KLHL4: variants seen among roughly 807,000 people sequenced by gnomAD.
KLHL4 encodes the protein kelch-like protein 4.
A neutral mutation model predicts 45.8 loss-of-function variants in KLHL4; 17 were observed. The observed-to-expected ratio is 0.37, with a 90% CI of 0.25 to 0.56. The LOEUF (loss-of-function observed/expected upper bound fraction) is 0.56. Ranked by LOEUF, KLHL4 falls within the 20% of genes least tolerant of loss-of-function variation. KLHL4 has a pLI of 0.79. For synonymous variants in KLHL4, 224 were observed against 189.9 expected (o/e 1.18, Z -1.47); for missense variants, 544 against 544.9 (o/e 1.00, Z 0.02).
At chrX:87,620,873 GTGT>G (rs1261690721) in intron 4 of KLHL4, among the ~76,000 whole-genome samples, 1 of 112,476 alleles carries the variant, frequency 8.9e-6, no homozygotes, top group Non-Finnish European at 1.9e-5. Context: ...AAAGTGTGAA[GTGT>G]TGTACAAGTG....
chrX:87,581,799 T>C (rs778815393), intron 1 of KLHL4, among the ~76,000 whole-genome samples: 2 of 112,023 alleles, frequency 1.8e-5, no homozygotes, highest in East Asian at 2.8e-4. Context: ...AGAGTGCCCC[T>C]TTTCCTCCAA....
rs781520376 is a variant in KLHL4, at chrX:87,635,272, T to C, written c.1713-291T>C. 4.5e-5 allele frequency among the ~76,000 whole-genome samples: 5 copies of C among 111,889 alleles called. No individual in the cohort carries two copies. In the South Asian group the frequency reaches 1.9e-3, roughly 41 times the overall value. On this transcript the variant is annotated intron_variant, in intron 8 of 10. Transcript: ENST00000373119. Reference sequence around the variant, plus strand: ...ATCTTTCCCTCTTTTTTTCTGTGCCTCATATCCCATGGAATCTTTTATTCA... The same window carrying C: ...ATCTTTCCCTCTTTTTTTCTGTGCCCCATATCCCATGGAATCTTTTATTCA...
At chrX:87,662,678 C>T (rs1465849199) in intron 9 of KLHL4, among the ~76,000 whole-genome samples, 1 of 111,052 alleles carries the variant, frequency 9.0e-6, no homozygotes, top group African/African-American at 3.3e-5. Context: ...ACCTATAATC[C>T]CAGCACTTTG....
chrX:87,592,725 T>C (rs1187204741), intron 1 of KLHL4, among the ~76,000 whole-genome samples: 3 of 112,548 alleles, frequency 2.7e-5, no homozygotes, highest in Admixed American at 9.4e-5. Context: ...TTGAGAAATG[T>C]CTATTCAGTT....
At chrX:87,666,158 C>A (rs1366181512) in intron 10 of KLHL4, among the ~76,000 whole-genome samples, 1 of 111,257 alleles carries the variant, frequency 9.0e-6, no homozygotes, top group Non-Finnish European at 1.9e-5. Flanking sequence ...AATTGTCATT[C>A]ATTATTTCAC....
At chrX:87,559,426 T>C (rs1253831238) in intron 1 of KLHL4, among the ~76,000 whole-genome samples, 3 of 111,633 alleles carry the variant, frequency 2.7e-5, no homozygotes, top group Non-Finnish European at 3.8e-5. Context: ...TATCTTCCCA[T>C]CGGCTCAATC....
chrX:87,572,252 C>T (rs754451435), intron 1 of KLHL4, among the ~76,000 whole-genome samples: 1 of 109,483 alleles, frequency 9.1e-6, no homozygotes, highest in South Asian at 3.9e-4. Context: ...ACTTAAAGTG[C>T]CATTGGAAAG....
intron 6 of KLHL4, among the ~76,000 whole-genome samples, chrX:87,628,281 A>G (rs921874048): frequency 1.8e-5 from 2 of 111,345 alleles, no homozygotes; most frequent in Non-Finnish European, 3.8e-5. Context: ...TTATTCAAAT[A>G]TGATGTTCCT....
chrX:87,668,059 G>C lies in KLHL4; in HGVS notation c.*1525G>C. Reference sequence around the variant, plus strand: ...CACTCCTTTATTTCTTCTTACACCTGCCATTGTCTCTAATTCTAAAGAGAG... The same window carrying C: ...CACTCCTTTATTTCTTCTTACACCTCCCATTGTCTCTAATTCTAAAGAGAG... On this transcript the variant is annotated 3_prime_UTR_variant, in exon 11 of 11. Coordinates refer to ENST00000373119, the MANE Select transcript of KLHL4 (RefSeq NM_019117.5). 1 of 736,716 alleles carries C rather than the reference G, an allele frequency of 1.4e-6. No homozygotes were observed. The highest frequency in any genetic ancestry group is 1.6e-6 in the Non-Finnish European group (1 of 623,474). 60.7% of individuals were successfully genotyped at this position (736,716 alleles called of 1,213,427 possible). A position where few individuals can be genotyped will look rare whatever the true frequency, so the allele number is the denominator to read the frequency against.
At chrX:87,600,484 C>CAAAA (rs148536239) in intron 1 of KLHL4, among the ~76,000 whole-genome samples, 2 of 69,818 alleles carry the variant, frequency 2.9e-5, no homozygotes, top group Non-Finnish European at 5.3e-5. Flanking sequence ...CTTCGTCTCA[C>CAAAA]AAAAAAAAAA....
Position 87,544,830 on chromosome X carries a change from G to T in KLHL4, c.422+26515G>T, listed in dbSNP as rs191892927. Among the ~76,000 whole-genome samples, 41 of 111,510 alleles carry T rather than the reference G, an allele frequency of 3.7e-4. No individual in the cohort carries two copies. The East Asian group carries it at 0.01, about 28-fold the overall frequency. On this transcript the variant is annotated intron_variant, in intron 1 of 10. Coordinates refer to ENST00000373119, the MANE Select transcript of KLHL4 (RefSeq NM_019117.5). The stretch of plus-strand genomic sequence containing the variant: ...AATATCTGGAAAGCATTTCCAAGAA[G>T]GATGGCTACAAATAAGTCCAGTCAG...
chrX:87,653,251 A>G (rs760939570), intron 9 of KLHL4, among the ~76,000 whole-genome samples: 24 of 112,018 alleles, frequency 2.1e-4, no homozygotes, highest in African/African-American at 7.5e-4. Flanking sequence ...AATTTTCTGC[A>G]TATGGGTAGC....
intron 6 of KLHL4, among the ~76,000 whole-genome samples, chrX:87,631,597 C>T (rs957048725): frequency 3.6e-5 from 4 of 111,672 alleles, no homozygotes; most frequent in Admixed American, 9.5e-5. Flanking sequence ...CTGCAGCCTC[C>T]GCCTCCTGGG....
intron 1 of KLHL4, among the ~76,000 whole-genome samples, chrX:87,575,087 C>T (rs963968714): frequency 5.4e-5 from 6 of 111,812 alleles, no homozygotes; most frequent in African/African-American, 1.9e-4. Context: ...ACAGTATGAA[C>T]GAATAGCGTG....
At chrX:87,520,416 A>G (rs1398898088) in intron 1 of KLHL4, among the ~76,000 whole-genome samples, 2 of 112,614 alleles carry the variant, frequency 1.8e-5, no homozygotes, top group Non-Finnish European at 3.8e-5. Flanking sequence ...GCTCAGAGTA[A>G]AGTAAGGCTC....
rs937588874 is a variant in KLHL4 at position 87,633,733 on chromosome X, A to G, written c.1550-16A>G. The stretch of plus-strand genomic sequence containing the variant: ...GCATACCTAGGTGAACCCACATATT[A>G]TTTTAATTTTTTTAGGTGTAGCCAC... On this transcript the variant is annotated splice_polypyrimidine_tract_variant and intron_variant, in intron 7 of 10. Transcript: ENST00000373119. 6 of 1,163,128 alleles carry G rather than the reference A, an allele frequency of 5.2e-6. No individual in the cohort carries two copies. In the African/African-American group the frequency reaches 7.2e-5, roughly 14 times the overall value.
chrX:87,530,992 G>T (rs1381903519), intron 1 of KLHL4, among the ~76,000 whole-genome samples: 1 of 111,613 alleles, frequency 9.0e-6, no homozygotes, highest in Non-Finnish European at 1.9e-5. Flanking sequence ...ATCTCATTGT[G>T]GTTTTGATTT....
chrX:87,659,113 C>CTTTTTTTTTTTTTTTTTTTTTTTTTT lies in KLHL4; in HGVS notation c.1926-5627_1926-5626insTTTTTTTTTTTTTTTTTTTTTTTTTT, dbSNP rs1178733729. On this transcript the variant is annotated intron_variant, in intron 9 of 10. Coordinates refer to ENST00000373119, the MANE Select transcript of KLHL4 (RefSeq NM_019117.5). Reference sequence around the variant, plus strand: ...TTCATATTTCTTTATTCTTTTCTTTCTTTTTTTTTTTTTTTTTTTTTTTTG... The same window carrying CTTTTTTTTTTTTTTTTTTTTTTTTTT: ...TTCATATTTCTTTATTCTTTTCTTTCTTTTTTTTTTTTTTTTTTTTTTTTTTTTTTTTTTTTTTTTTTTTTTTTTTG... Among the ~76,000 whole-genome samples, 3 of 45,097 alleles carry CTTTTTTTTTTTTTTTTTTTTTTTTTT rather than the reference C, an allele frequency of 6.7e-5. 1 individual carries two copies. Among genetic ancestry groups the CTTTTTTTTTTTTTTTTTTTTTTTTTT allele is most frequent in the Non-Finnish European group, 1.1e-4 (3 of 27,869 alleles). The allele number at this position is 45,097 out of a possible 115,157, so 39.2% of individuals were successfully genotyped here.
intron 1 of KLHL4, among the ~76,000 whole-genome samples, chrX:87,560,160 A>T (rs1363524247): frequency 8.9e-6 from 1 of 111,934 alleles, no homozygotes; most frequent in Non-Finnish European, 1.9e-5. Context: ...ACCCTGTGAC[A>T]ATAATGCTTC....
Sources: allele counts gnomAD v4.1 joint callset (sites outside exome capture counted in the v4.1 genomes callset), GRCh38; gene constraint gnomAD v4.1.1; transcripts MANE v1.5; gene names NCBI Gene and HGNC (gene_info 2026-07-23, HGNC 2026-07-21).